Variants in MAD1L1 observed in about 807,000 individuals in gnomAD.
MAD1L1 encodes the protein mitotic spindle assembly checkpoint protein MAD1.
Under a neutral mutation model 96.9 loss-of-function variants are expected in MAD1L1, and 95 were observed. The observed-to-expected ratio is 0.98, with a 90% CI of 0.83 to 1.16. The LOEUF is 1.16. Ranked by LOEUF, MAD1L1 falls within the 50% of genes most tolerant of loss-of-function variation. The pLI, the probability that MAD1L1 is intolerant of heterozygous loss-of-function variation, is 0.00. For synonymous variants in MAD1L1, 473 were observed against 396.6 expected (o/e 1.19, Z -2.29); for missense variants, 1,007 against 954.4 (o/e 1.06, Z -0.73).
chr7:1,855,666 G>T (rs569200555), intron 18 of MAD1L1, among the ~76,000 whole-genome samples: 1 of 152,110 alleles, frequency 6.6e-6, no homozygotes, highest in African/African-American at 2.4e-5. Context: ...CATTCCTTGT[G>T]CAGGAAGATG....
In MAD1L1 at chr7:2,042,907, A is replaced by ATCCACG. The variant is rs1427870032; in HGVS notation, c.1218+26281_1218+26286dup. ...TGTCCACGTCCACGTCCACGTCCAC[A>ATCCACG]TCCACGTCCACGTCCACATCAAGGC... On this transcript the variant is annotated intron_variant, in intron 12 of 18. Coordinates refer to ENST00000265854, the MANE Select transcript of MAD1L1 (RefSeq NM_001013836.2). Among the ~76,000 whole-genome samples, 6 of 115,446 alleles carry ATCCACG rather than the reference A, an allele frequency of 5.2e-5. No homozygotes were observed. The South Asian group carries it at 1.1e-3, about 21-fold the overall frequency. 75.7% of individuals were successfully genotyped at this position (115,446 alleles called of 152,430 possible).
chr7:1,961,844 GT>G (rs1166406183), intron 15 of MAD1L1, among the ~76,000 whole-genome samples: 1 of 152,118 alleles, frequency 6.6e-6, no homozygotes, highest in African/African-American at 2.4e-5. Flanking sequence ...TCACAGGGCG[GT>G]TTCCCCCATA....
intron 17 of MAD1L1, among the ~76,000 whole-genome samples, chr7:1,899,879 G>A (rs1040157620): frequency 6.6e-6 from 1 of 152,220 alleles, no homozygotes; most frequent in African/African-American, 2.4e-5. Context: ...CAAACCAGAA[G>A]CCCTCAAGTC....
At chr7:1,933,815 A>G (rs956529710) in intron 17 of MAD1L1, among the ~76,000 whole-genome samples, 6 of 152,120 alleles carry the variant, frequency 3.9e-5, no homozygotes, top group African/African-American at 1.4e-4. Flanking sequence ...TAATTCAGCA[A>G]TCAAGCCTCC....
At chr7:2,118,605 G>T (rs190118944) in intron 11 of MAD1L1, among the ~76,000 whole-genome samples, 2 of 152,314 alleles carry the variant, frequency 1.3e-5, no homozygotes, top group Admixed American at 1.3e-4. Flanking sequence ...ACAGGCCCTC[G>T]ATGTCCAAGT....
intron 12 of MAD1L1, among the ~76,000 whole-genome samples, 166 bp from the exon 13 acceptor site, chr7:2,014,808 G>A (rs1323930962): frequency 6.6e-6 from 1 of 152,164 alleles, no homozygotes. Context: ...AAGTGAAGAG[G>A]GCCCCAGAGT....
At chr7:2,017,233 G>A (rs4721308) in intron 12 of MAD1L1, among the ~76,000 whole-genome samples, 123,065 of 152,220 alleles carry the variant, frequency 0.81, 52,475 homozygotes, top group Non-Finnish European at 0.95. Flanking sequence ...TTCCACCTCA[G>A]CAAATGCGGT....
intron 10 of MAD1L1, among the ~76,000 whole-genome samples, chr7:2,196,825 G>A (rs1637741): frequency 0.059 from 8,983 of 152,182 alleles, 643 homozygotes; most frequent in African/African-American, 0.17. Context: ...ACTACAACGC[G>A]GCTGACTCCA....
At chr7:2,007,809 T>C (rs1453244608) in intron 13 of MAD1L1, among the ~76,000 whole-genome samples, 2 of 152,216 alleles carry the variant, frequency 1.3e-5, no homozygotes, top group Non-Finnish European at 2.9e-5. Flanking sequence ...CTGGCAAGAA[T>C]GGGAAACCAC....
At chr7:2,055,138 C>T (rs527704946) in intron 12 of MAD1L1, among the ~76,000 whole-genome samples, 10 of 152,264 alleles carry the variant, frequency 6.6e-5, no homozygotes, top group South Asian at 4.1e-4. Flanking sequence ...GGCAGCACAG[C>T]GAGGCGGTGC....
chr7:2,010,777 G>A (rs1015514865), intron 13 of MAD1L1, among the ~76,000 whole-genome samples: 5 of 152,194 alleles, frequency 3.3e-5, no homozygotes, highest in African/African-American at 1.2e-4. Context: ...GAGCCCACCT[G>A]GCGGTCAGGT....
At chr7:1,920,412 G>T (rs1386496873) in intron 17 of MAD1L1, among the ~76,000 whole-genome samples, 1 of 152,224 alleles carries the variant, frequency 6.6e-6, no homozygotes, top group Non-Finnish European at 1.5e-5. Context: ...TGCCGTGGCA[G>T]CCTCACACTG....
intron 18 of MAD1L1, among the ~76,000 whole-genome samples, chr7:1,896,701 A>C (rs958969409): frequency 6.6e-6 from 1 of 152,214 alleles, no homozygotes; most frequent in Non-Finnish European, 1.5e-5. Flanking sequence ...TCTCAACAGA[A>C]AACACTGTGG....
At chr7:2,175,621 C>T (rs1327842951) in intron 10 of MAD1L1, among the ~76,000 whole-genome samples, 1 of 151,330 alleles carries the variant, frequency 6.6e-6, no homozygotes, top group African/African-American at 2.4e-5. Context: ...CCTAGAAAAA[C>T]TCTGGCAACA....
intron 10 of MAD1L1, among the ~76,000 whole-genome samples, chr7:2,160,225 C>A (rs1296588365): frequency 1.3e-5 from 2 of 149,450 alleles, no homozygotes; most frequent in African/African-American, 2.5e-5. Flanking sequence ...CAGAATGATA[C>A]CCTGTCTCAA....
intron 14 of MAD1L1, among the ~76,000 whole-genome samples, chr7:1,989,308 C>T (rs548932000): frequency 6.6e-5 from 10 of 152,364 alleles, no homozygotes; most frequent in Non-Finnish European, 1.2e-4. Context: ...CGCCCAGGAG[C>T]GTTCATTTGT....
chr7:2,134,632 A>G (rs1788668499), intron 11 of MAD1L1, among the ~76,000 whole-genome samples: 1 of 152,218 alleles, frequency 6.6e-6, no homozygotes, highest in South Asian at 2.1e-4. Context: ...CTTCTCTATG[A>G]CAACAAAAAG....
chr7:1,914,342 C>T (rs1314228878), intron 17 of MAD1L1, among the ~76,000 whole-genome samples: 1 of 152,238 alleles, frequency 6.6e-6, no homozygotes, highest in Non-Finnish European at 1.5e-5. Context: ...ACGGGCGTTC[C>T]TGCATTATCC....
intron 10 of MAD1L1, among the ~76,000 whole-genome samples, chr7:2,152,093 C>G (rs193153975): frequency 2.0e-5 from 3 of 152,348 alleles, no homozygotes; most frequent in Admixed American, 6.5e-5. Flanking sequence ...CAGGCAGGAA[C>G]AGAGAGCATG....
Sources: allele counts gnomAD v4.1 joint callset (sites outside exome capture counted in the v4.1 genomes callset), GRCh38; gene constraint gnomAD v4.1.1; transcripts MANE v1.5; gene names NCBI Gene and HGNC (gene_info 2026-07-23, HGNC 2026-07-21).